TKTL2: variants seen among roughly 807,000 people sequenced by gnomAD.
TKTL2 encodes the protein transketolase-like protein 2.
For synonymous variants in TKTL2, 259 were observed against 294.1 expected (o/e 0.88, Z 1.22); for missense variants, 825 against 799.4 (o/e 1.03, Z -0.39).
Position 163,472,389 on chromosome 4 carries a change from A to G in TKTL2, c.1346T>C (p.Val449Ala). The G allele has an allele frequency of 6.2e-7, 1 of 1,606,586 alleles. No homozygotes were observed. The highest frequency in any genetic ancestry group is 8.5e-7 in the Non-Finnish European group (1 of 1,176,180). ...CGAGATGGCATCACTTGGATAGAAA[A>G]CAGTACAATTGGGAATGCTTCGGAA... is the stretch of plus-strand genomic sequence containing the variant. ...AMFRSIPNCT[V>A]FYPSDAISTE... is the part of the protein sequence containing the mutation. Residue 449 changes from valine (V) to alanine (A), a missense_variant, in exon 1 of 1, where the codon GTT becomes GCT. Physicochemically the swap from Val to Ala is moderately conservative, Grantham distance 64. Transcript: ENST00000280605.
In TKTL2 at chr4:163,472,434, G is replaced by A; in HGVS notation, c.1301C>T (p.Ala434Val). The A allele has an allele frequency of 6.2e-7, 1 of 1,613,964 alleles. No individual in the cohort carries two copies. Among genetic ancestry groups the A allele is most frequent in the South Asian group, 1.1e-5 (1 of 91,056 alleles). The change falls in exon 1 of 1, where the codon GCC (alanine) becomes GTC (valine). Residue 434 changes from alanine (A) to valine (V), a missense_variant. By Grantham distance (64) the Ala-to-Val change is moderately conservative. Coordinates refer to ENST00000280605, the MANE Select transcript of TKTL2 (RefSeq NM_032136.5). Reference protein sequence around the residue: ...STGEDGVSQMALEDLAMFRSI... With the variant: ...STGEDGVSQMVLEDLAMFRSI... Reference sequence around the variant, plus strand: ...TCGGAACATGGCTAGATCCTCCAGGGCCATCTGGGAGACTCCATCTTCTCC... The same window carrying A: ...TCGGAACATGGCTAGATCCTCCAGGACCATCTGGGAGACTCCATCTTCTCC...
rs752125413 is a variant in TKTL2, at chr4:163,473,220, G to A, written c.515C>T (p.Ser172Phe). 9 of 1,613,946 alleles carry A rather than the reference G, an allele frequency of 5.6e-6. No homozygotes were observed. Among genetic ancestry groups the A allele is most frequent in the South Asian group, 5.5e-5 (5 of 91,074 alleles). Residue 172 changes from serine (S) to phenylalanine (F), a missense_variant, in exon 1 of 1, where the codon TCC becomes TTC. By Grantham distance (155) the Ser-to-Phe change is radical. Transcript: ENST00000280605. ...GSVWEAFAFA[S>F]HYNLDNLVAV... ...CACGAGATTGTCCAAGTTGTAGTGGGAGGCAAAAGCAAAAGCCTCCCACAC... is the reference window on the plus strand; with the variant it reads ...CACGAGATTGTCCAAGTTGTAGTGGAAGGCAAAAGCAAAAGCCTCCCACAC...
Position 163,473,100 on chromosome 4 carries a change from C to A in TKTL2, c.635G>T (p.Trp212Leu). 6.2e-7 allele frequency: 1 copy of A among 1,614,088 alleles called. No homozygotes were observed. Residue 212 changes from tryptophan to leucine, a missense_variant, in exon 1 of 1, where the codon TGG (tryptophan) becomes TTG (leucine). By Grantham distance (61) the Trp-to-Leu change is moderately conservative. Transcript: ENST00000280605. Reference sequence around the variant, plus strand: ...ATGGCCATCCACTAAGTAAGTATTCCATCCAAAGGCTTCACAGCAATTCTG... The same window carrying A: ...ATGGCCATCCACTAAGTAAGTATTCAATCCAAAGGCTTCACAGCAATTCTG... ...IYQNCCEAFG[W>L]NTYLVDGHDV...
rs1466781925 is a variant in TKTL2, at chr4:163,473,306, A to G, written c.429T>C (p.Leu143=). Reference sequence around the variant, plus strand: ...AGAACACCCGGTAGCTGGCCTTGTCAAGGTACTTGCCAGTATAAGCCATTC... The same window carrying G: ...AGAACACCCGGTAGCTGGCCTTGTCGAGGTACTTGCCAGTATAAGCCATTC... ...ACGMAYTGKY[L]DKASYRVFCL... The change falls in exon 1 of 1, where the codon CTT becomes CTC. Residue 143 remains leucine (L), a synonymous_variant. Coordinates refer to ENST00000280605, the MANE Select transcript of TKTL2 (RefSeq NM_032136.5). 6.2e-7 allele frequency: 1 copy of G among 1,613,878 alleles called. No individual in the cohort carries two copies. The highest frequency in any genetic ancestry group is 1.7e-5 in the Admixed American group (1 of 59,970).
Position 163,472,022 on chromosome 4 carries a change from G to A in TKTL2, c.1713C>T (p.Gly571=). 1 of 1,613,624 alleles carries A rather than the reference G, an allele frequency of 6.2e-7. No homozygotes were observed. Among genetic ancestry groups the A allele is most frequent in the Non-Finnish European group, 8.5e-7 (1 of 1,179,688 alleles). The part of the protein sequence containing the change: ...ITVEDHYREG[G]IGEAVCAAVS... ...CAGCTGCACAAACAGCTTCTCCAAT[G>A]CCACCTTCCCTGTAGTGATCCTCCA... The change falls in exon 1 of 1, where the codon GGC becomes GGT. Residue 571 remains glycine, a synonymous_variant. Coordinates refer to ENST00000280605, the MANE Select transcript of TKTL2 (RefSeq NM_032136.5).
Position 163,472,153 on chromosome 4 carries a change from G to A in TKTL2, c.1582C>T (p.Gln528Ter). ...ATGACACGGACAGAAATACCTTGTT[G>A]AGAAAGATGGTCAGCAGCTTCTAAG... ...EALEAADHLSQQGISVRVIDP... is the reference protein window; with the variant it reads ...EALEAADHLS Residue 528 changes from glutamine (Q) to a stop codon, truncating the protein, a stop_gained, in exon 1 of 1, where the codon CAA becomes TAA. Transcript: ENST00000280605. LOFTEE classifies it low-confidence loss of function (END_TRUNC). 2 of 1,614,228 alleles carry A rather than the reference G, an allele frequency of 1.2e-6. No homozygotes were observed. The highest frequency in any genetic ancestry group is 1.7e-6 in the Non-Finnish European group (2 of 1,180,042).
Position 163,472,321 on chromosome 4 carries a change from A to C in TKTL2, c.1414T>G (p.Cys472Gly), listed in dbSNP as rs200478211. The change falls in exon 1 of 1, where the codon TGC becomes GGC. Residue 472 changes from cysteine (C) to glycine (G), a missense_variant. Coordinates refer to ENST00000280605, the MANE Select transcript of TKTL2 (RefSeq NM_032136.5). The part of the protein sequence containing the change: ...IYLAANTKGM[C>G]FIRTSQPETA... Reference sequence around the variant, plus strand: ...TCTGGTTGGCTGGTTCGAATGAAGCACATTCCCTTGGTATTGGCGGCTAGA... The same window carrying C: ...TCTGGTTGGCTGGTTCGAATGAAGCCCATTCCCTTGGTATTGGCGGCTAGA... The C allele has an allele frequency of 1.6e-5, 26 of 1,604,514 alleles. No individual in the cohort carries two copies. In the African/African-American group the frequency reaches 3.3e-4, roughly 21 times the overall value.
Position 163,471,630 on chromosome 4 carries a change from TTAA to T in TKTL2, c.*221_*223del. ...ATTGCTTACAATTTTAAAATCCACA[TTAA>T]TAACTCAGAGTAACATTTATACATA... On this transcript the variant is annotated 3_prime_UTR_variant, in exon 1 of 1. Coordinates refer to ENST00000280605, the MANE Select transcript of TKTL2 (RefSeq NM_032136.5). 2.8e-6 allele frequency: 1 copy of T among 351,950 alleles called. No individual in the cohort carries two copies. Among genetic ancestry groups the T allele is most frequent in the Non-Finnish European group, 5.0e-6 (1 of 198,538 alleles). 21.8% of individuals were successfully genotyped at this position (351,950 alleles called of 1,614,324 possible).
In TKTL2 at chr4:163,473,591, G is replaced by A. The variant is rs896440766; in HGVS notation, c.144C>T (p.Val48=). The change falls in exon 1 of 1, where the codon GTC becomes GTT. Residue 48 remains valine (V), a synonymous_variant. Coordinates refer to ENST00000280605, the MANE Select transcript of TKTL2 (RefSeq NM_032136.5). ...QLTSCCSAAE[V]VSVLFFHTMK... is the part of the protein sequence containing the mutation. ...TCGTGTGGAAGAAGAGGACAGACAC[G>A]ACCTCCGCTGCACTGCAGCACGACG... The A allele has an allele frequency of 3.7e-6, 6 of 1,614,002 alleles. No homozygotes were observed. The Admixed American group carries it at 5.0e-5, about 13-fold the overall frequency.
Position 163,473,324 on chromosome 4 carries a change from A to C in TKTL2, c.411T>G (p.Ala137=). ...CCTTGTCAAGGTACTTGCCAGTATAAGCCATTCCACATGCAGTACCTAATC... is the reference window on the plus strand; with the variant it reads ...CCTTGTCAAGGTACTTGCCAGTATACGCCATTCCACATGCAGTACCTAATC... ...GQGLGTACGM[A]YTGKYLDKAS... The change falls in exon 1 of 1, where the codon GCT becomes GCG. Residue 137 remains alanine (A), a synonymous_variant. Coordinates refer to ENST00000280605, the MANE Select transcript of TKTL2 (RefSeq NM_032136.5). 1.9e-6 allele frequency: 3 copies of C among 1,614,030 alleles called. No homozygotes were observed. Among genetic ancestry groups the C allele is most frequent in the Non-Finnish European group, 2.5e-6 (3 of 1,180,000 alleles).
chr4:163,473,211 T>A lies in TKTL2; in HGVS notation c.524A>T (p.Asn175Ile). ...GAAGACCGCCACGAGATTGTCCAAG[T>A]TGTAGTGGGAGGCAAAAGCAAAAGC... is the stretch of plus-strand genomic sequence containing the variant. Reference protein sequence around the residue: ...WEAFAFASHYNLDNLVAVFDV... With the variant: ...WEAFAFASHYILDNLVAVFDV... The change falls in exon 1 of 1, where the codon AAC becomes ATC. Residue 175 changes from asparagine to isoleucine, a missense_variant. Physicochemically the swap from Asn to Ile is moderately radical, Grantham distance 149. Coordinates refer to ENST00000280605, the MANE Select transcript of TKTL2 (RefSeq NM_032136.5). The A allele has an allele frequency of 1.2e-6, 2 of 1,613,864 alleles. No homozygotes were observed. Among genetic ancestry groups the A allele is most frequent in the Non-Finnish European group, 1.7e-6 (2 of 1,179,988 alleles).
chr4:163,472,200 G>A lies in TKTL2; in HGVS notation c.1535C>T (p.Ala512Val). Reference sequence around the variant, plus strand: ...TAAGGCTTCATGGAGAGTAACTCCAGCTCCAATTACTGTGACTTTATCATT... The same window carrying A: ...TAAGGCTTCATGGAGAGTAACTCCAACTCCAATTACTGTGACTTTATCATT... Reference protein sequence around the residue: ...GVNDKVTVIGAGVTLHEALEA... With the variant: ...GVNDKVTVIGVGVTLHEALEA... Residue 512 changes from alanine to valine, a missense_variant, in exon 1 of 1, where the codon GCT becomes GTT. Physicochemically the swap from Ala to Val is moderately conservative, Grantham distance 64 (BLOSUM62 0). Transcript: ENST00000280605. The A allele has an allele frequency of 6.2e-7, 1 of 1,614,166 alleles. No homozygotes were observed. Among genetic ancestry groups the A allele is most frequent in the Middle Eastern group, 1.6e-4 (1 of 6,062 alleles).
rs753022285 is a variant in TKTL2 at position 163,473,595 on chromosome 4, T to C, written c.140A>G (p.Glu47Gly). 2.5e-6 allele frequency: 4 copies of C among 1,614,150 alleles called. No homozygotes were observed. Among genetic ancestry groups the C allele is most frequent in the Non-Finnish European group, 3.4e-6 (4 of 1,180,030 alleles). Reference sequence around the variant, plus strand: ...GTGGAAGAAGAGGACAGACACGACCTCCGCTGCACTGCAGCACGACGTGAG... The same window carrying C: ...GTGGAAGAAGAGGACAGACACGACCCCCGCTGCACTGCAGCACGACGTGAG... ...GQLTSCCSAA[E>G]VVSVLFFHTM... The change falls in exon 1 of 1, where the codon GAG (glutamate) becomes GGG (glycine). Residue 47 changes from glutamate (E) to glycine (G), a missense_variant. Coordinates refer to ENST00000280605, the MANE Select transcript of TKTL2 (RefSeq NM_032136.5).
Position 163,473,360 on chromosome 4 carries a change from G to A in TKTL2, c.375C>T (p.Ser125=), listed in dbSNP as rs1737207151. 1 of 1,613,830 alleles carries A rather than the reference G, an allele frequency of 6.2e-7. No individual in the cohort carries two copies. Among genetic ancestry groups the A allele is most frequent in the Non-Finnish European group, 8.5e-7 (1 of 1,180,008 alleles). The part of the protein sequence containing the change: ...RLPFVDVATG[S]LGQGLGTACG... ...ATGCAGTACCTAATCCCTGACCTAGGGACCCTGTTGCCACGTCAACAAACG... is the reference window on the plus strand; with the variant it reads ...ATGCAGTACCTAATCCCTGACCTAGAGACCCTGTTGCCACGTCAACAAACG... The change falls in exon 1 of 1, where the codon TCC becomes TCT. Residue 125 remains serine (S), a synonymous_variant. Coordinates refer to ENST00000280605, the MANE Select transcript of TKTL2 (RefSeq NM_032136.5).
At position 163,472,072 on chromosome 4, in the gene TKTL2, C is replaced by G. The variant is rs751268861; in HGVS notation, c.1663G>C (p.Ala555Pro). The stretch of plus-strand genomic sequence containing the variant: ...ACTGTGATAACTCGGCCGCCTGTGG[C>G]TTTTGCACTGGAGATGATGGTGGCG... ...DAATIISSAK[A>P]TGGRVITVED... The change falls in exon 1 of 1, where the codon GCC becomes CCC. Residue 555 changes from alanine (A) to proline (P), a missense_variant. Physicochemically the swap from Ala to Pro is conservative, Grantham distance 27 (BLOSUM62 -1). Coordinates refer to ENST00000280605, the MANE Select transcript of TKTL2 (RefSeq NM_032136.5). 2.5e-6 allele frequency: 4 copies of G among 1,614,054 alleles called. No homozygotes were observed. The highest frequency in any genetic ancestry group is 1.7e-5 in the Admixed American group (1 of 59,996).
Position 163,471,915 on chromosome 4 carries a change from T to C in TKTL2, c.1820A>G (p.Asp607Gly), listed in dbSNP as rs1169169988. 5 of 1,591,538 alleles carry C rather than the reference T, an allele frequency of 3.1e-6. No individual in the cohort carries two copies. Among genetic ancestry groups the C allele is most frequent in the African/African-American group, 1.3e-5 (1 of 74,358 alleles). ...PQRGKTSELL[D>G]MFGISTRHII... ...GTGTCTGGTACTGATTCCAAACATA[T>C]CCAGCAATTCACTAGTTTTCCCACG... The change falls in exon 1 of 1, where the codon GAT becomes GGT. Residue 607 changes from aspartate to glycine, a missense_variant. Transcript: ENST00000280605.
At position 163,472,762 on chromosome 4, in the gene TKTL2, A is replaced by G. The variant is rs1468402188; in HGVS notation, c.973T>C (p.Tyr325His). 3.2e-6 allele frequency: 5 copies of G among 1,584,168 alleles called. No individual in the cohort carries two copies. The Admixed American group carries it at 8.8e-5, about 28-fold the overall frequency. ...CCCAGTTTAGCCAGAGCCAAACCAT[A>G]TGTTTTCTGAGTAGCTATCTTGTCA... ...VGDKIATQKT[Y>H]GLALAKLGRA... is the part of the protein sequence containing the mutation. The change falls in exon 1 of 1, where the codon TAT becomes CAT. Residue 325 changes from tyrosine to histidine, a missense_variant. Physicochemically the swap from Tyr to His is moderately conservative, Grantham distance 83. Coordinates refer to ENST00000280605, the MANE Select transcript of TKTL2 (RefSeq NM_032136.5).
In TKTL2 at chr4:163,472,516, C is replaced by T. The variant is rs201580136; in HGVS notation, c.1219G>A (p.Gly407Arg). 1 of 1,614,138 alleles carries T rather than the reference C, an allele frequency of 6.2e-7. No homozygotes were observed. Among genetic ancestry groups the T allele is most frequent in the East Asian group, 2.2e-5 (1 of 44,880 alleles). ...FTRAFDQLRM[G>R]AISQANINLI... ...TTGATATTGGCTTGAGAAATGGCTC[C>T]CATTCGGAGCTGATCGAATGCTCTA... Residue 407 changes from glycine (G) to arginine (R), a missense_variant, in exon 1 of 1, where the codon GGA (glycine) becomes AGA (arginine). Physicochemically the swap from Gly to Arg is moderately radical, Grantham distance 125. Transcript: ENST00000280605.
rs777132561 is a variant in TKTL2, at chr4:163,472,851, T to C, written c.884A>G (p.Glu295Gly). Reference protein sequence around the residue: ...NENLIPKSPVEDSPQISITDI... With the variant: ...NENLIPKSPVGDSPQISITDI... ...TGTGATGCTTATTTGAGGTGAGTCT[T>C]CCACAGGCGATTTTGGTATGAGATT... is the stretch of plus-strand genomic sequence containing the variant. The change falls in exon 1 of 1, where the codon GAA becomes GGA. Residue 295 changes from glutamate to glycine, a missense_variant. Physicochemically the swap from Glu to Gly is moderately conservative, Grantham distance 98. Transcript: ENST00000280605. The C allele has an allele frequency of 6.3e-6, 10 of 1,581,496 alleles. No individual in the cohort carries two copies. The Admixed American group carries it at 7.1e-5, about 11-fold the overall frequency.
Sources: allele counts gnomAD v4.1 joint callset, GRCh38; gene constraint gnomAD v4.1.1; transcripts MANE v1.5; gene names NCBI Gene and HGNC (gene_info 2026-07-23, HGNC 2026-07-21).